ARHGAP42: variants seen among roughly 807,000 people sequenced by gnomAD.
ARHGAP42 encodes the protein Rho GTPase activating protein 42, also known as rho GTPase-activating protein 42.
In ARHGAP42, 63 loss-of-function variants were observed where a neutral mutation model predicts 125.0. That is an observed-to-expected ratio of 0.50 (90% confidence interval 0.41 to 0.62). The LOEUF is 0.62. ARHGAP42 is among the 20% of genes least tolerant of loss of function. ARHGAP42 has a pLI of 0.00. For synonymous variants in ARHGAP42, 339 were observed against 351.0 expected (o/e 0.97, Z 0.38); for missense variants, 766 against 1,024.2 (o/e 0.75, Z 3.44).
At chr11:100,844,780 C>A (rs1036630910) in intron 3 of ARHGAP42, among the ~76,000 whole-genome samples, 3 of 151,898 alleles carry the variant, frequency 2.0e-5, no homozygotes, top group African/African-American at 7.2e-5. Flanking sequence ...ATCAAAAATT[C>A]AAAAAATAGT....
intron 3 of ARHGAP42, among the ~76,000 whole-genome samples, chr11:100,828,690 CT>C (rs770379228): frequency 0.044 from 6,272 of 143,658 alleles, 143 homozygotes; most frequent in Middle Eastern, 0.11. Context: ...TTCTGTTTGT[CT>C]TTTTTTTTTT....
chr11:100,979,742 C>T (rs1414463306), intron 22 of ARHGAP42, among the ~76,000 whole-genome samples: 1 of 151,492 alleles, frequency 6.6e-6, no homozygotes, highest in Non-Finnish European at 1.5e-5. Context: ...AGGTAGGAGA[C>T]ACTCAATGCC....
intron 2 of ARHGAP42, among the ~76,000 whole-genome samples, chr11:100,788,476 C>A (rs184617554): frequency 6.6e-4 from 101 of 152,228 alleles, no homozygotes; most frequent in African/African-American, 1.9e-3. Flanking sequence ...TGCCAGTATT[C>A]GTCAGTAGGG....
intron 7 of ARHGAP42, among the ~76,000 whole-genome samples, chr11:100,934,002 G>C (rs1198726580): frequency 6.6e-6 from 1 of 152,074 alleles, no homozygotes; most frequent in Non-Finnish European, 1.5e-5. Context: ...GGTCAGGCTG[G>C]TCTCGAACTC....
chr11:100,847,409 G>A (rs1448959922), intron 3 of ARHGAP42, among the ~76,000 whole-genome samples: 2 of 152,056 alleles, frequency 1.3e-5, no homozygotes, highest in Non-Finnish European at 2.9e-5. Context: ...CGTGGGAATG[G>A]CAGCAAAAAA....
intron 1 of ARHGAP42, among the ~76,000 whole-genome samples, chr11:100,726,459 T>G (rs1861863423): frequency 6.6e-6 from 1 of 152,228 alleles, no homozygotes; most frequent in South Asian, 2.1e-4. Context: ...CAAATTCAGC[T>G]ATGTGGCATA....
chr11:100,953,730 A>G (rs547060977), intron 12 of ARHGAP42, among the ~76,000 whole-genome samples: 3 of 152,246 alleles, frequency 2.0e-5, no homozygotes, highest in Non-Finnish European at 4.4e-5. Context: ...ATGAAAAAAC[A>G]TCAAATAAGA....
intron 5 of ARHGAP42, among the ~76,000 whole-genome samples, chr11:100,916,019 C>T (rs1867052657): frequency 1.3e-5 from 2 of 152,166 alleles, no homozygotes; most frequent in Admixed American, 6.5e-5. Context: ...AAAAAGGCTC[C>T]TCTGTGCCTT....
In ARHGAP42 at chr11:100,976,291, C is replaced by T. The variant is rs767093715; in HGVS notation, c.2090C>T (p.Ala697Val). 1.0e-5 allele frequency: 16 copies of T among 1,551,614 alleles called. No individual in the cohort carries two copies. In the South Asian group the frequency reaches 1.5e-4, roughly 15 times the overall value. The change falls in exon 20 of 24, where the codon GCA (alanine) becomes GTA (valine). Residue 697 changes from alanine to valine, a missense_variant. Around this residue, in one of 3 missense-constraint regions of ARHGAP42, gnomAD observed 308 missense variants for 369.7 expected, o/e 0.83. Coordinates refer to ENST00000298815, the MANE Select transcript of ARHGAP42 (RefSeq NM_152432.4). Reference sequence around the variant, plus strand: ...AGAGAAGATGCAACCAAGACAGATGCAGAATCAGACTGCCAGAGTGTTGCT... The same window carrying T: ...AGAGAAGATGCAACCAAGACAGATGTAGAATCAGACTGCCAGAGTGTTGCT... The part of the protein sequence containing the change: ...SSREDATKTD[A>V]ESDCQSVASV...
intron 1 of ARHGAP42, among the ~76,000 whole-genome samples, chr11:100,705,389 A>G (rs1300495890): frequency 1.3e-5 from 2 of 152,260 alleles, no homozygotes; most frequent in South Asian, 2.1e-4. Flanking sequence ...ATGCTTTTCA[A>G]TTCTAGGTCT....
rs368600851 is a variant in ARHGAP42, at chr11:100,801,417, C to T, written c.312+6251C>T. ...TGAAACAGTGAGTAAACAAAAATAT[C>T]GACTGGATGCAGTTGCTCATACCTG... On this transcript the variant is annotated intron_variant, in intron 3 of 23. Transcript: ENST00000298815. 7.9e-5 allele frequency among the ~76,000 whole-genome samples: 12 copies of T among 152,094 alleles called. No homozygotes were observed. In the East Asian group the frequency reaches 1.2e-3, roughly 15 times the overall value.
intron 4 of ARHGAP42, among the ~76,000 whole-genome samples, chr11:100,863,283 T>C (rs1004247267): frequency 1.1e-4 from 17 of 152,178 alleles, no homozygotes; most frequent in African/African-American, 4.1e-4. Context: ...CTTGGAGATT[T>C]CCCACAAGCA....
At chr11:100,829,824 C>T (rs887715995) in intron 3 of ARHGAP42, among the ~76,000 whole-genome samples, 15 of 152,150 alleles carry the variant, frequency 9.9e-5, no homozygotes, top group Admixed American at 1.3e-4. Context: ...TGAGCAAAAT[C>T]GGCTAGTTCT....
At chr11:100,788,470 A>C (rs1367497488) in intron 2 of ARHGAP42, among the ~76,000 whole-genome samples, 1 of 152,198 alleles carries the variant, frequency 6.6e-6, no homozygotes, top group Non-Finnish European at 1.5e-5. Context: ...GTGACATGCC[A>C]GTATTCGTCA....
chr11:100,904,391 C>T (rs1291930540), intron 4 of ARHGAP42, among the ~76,000 whole-genome samples: 5 of 151,968 alleles, frequency 3.3e-5, no homozygotes, highest in Non-Finnish European at 5.9e-5. Flanking sequence ...GGATTACAGG[C>T]GCATGCTACC....
At chr11:100,839,834 A>G (rs1864902058) in intron 3 of ARHGAP42, 1 of 151,836 alleles carries the variant, frequency 6.6e-6, no homozygotes, top group Non-Finnish European at 1.5e-5. Context: ...GAGTAGCTGC[A>G]CTCCCCTCCT....
chr11:100,729,822 T>G (rs1340304858), intron 1 of ARHGAP42, among the ~76,000 whole-genome samples: 1 of 151,498 alleles, frequency 6.6e-6, no homozygotes, highest in Non-Finnish European at 1.5e-5. Context: ...TTTTTTTTTT[T>G]TTTTTTGAGA....
chr11:100,965,841 T>C (rs1858076748), intron 17 of ARHGAP42, 65 bp downstream of exon 17: 2 of 1,362,550 alleles, frequency 1.5e-6, no homozygotes, highest in Admixed American at 4.1e-5. Context: ...TCATGTCTTT[T>C]TAAAGTGTGT....
intron 1 of ARHGAP42, among the ~76,000 whole-genome samples, chr11:100,715,447 C>A (rs546672203): frequency 2.6e-5 from 4 of 152,156 alleles, no homozygotes; most frequent in African/African-American, 9.7e-5. Context: ...GACTTCATTT[C>A]TCCCAGGCAG....
Sources: allele counts gnomAD v4.1 joint callset (sites outside exome capture counted in the v4.1 genomes callset), GRCh38; gene constraint gnomAD v4.1.1; regional missense constraint gnomAD v4.1.1; transcripts MANE v1.5; gene names NCBI Gene and HGNC (gene_info 2026-07-23, HGNC 2026-07-21).